TAS1R1: variants seen among roughly 807,000 people sequenced by gnomAD.
TAS1R1 encodes taste 1 receptor member 1, also known as taste receptor type 1 member 1.
TAS1R1 carries 31 observed loss-of-function variants against 45.8 expected under a neutral mutation model. The ratio of observed to expected loss-of-function variants is 0.68; its 90% CI spans 0.51 to 0.91. The LOEUF (loss-of-function observed/expected upper bound fraction) is 0.91, where lower values mean the gene tolerates loss of function less well. Ranked by LOEUF, TAS1R1 falls within the 40% of genes least tolerant of loss-of-function variation. The probability of loss-of-function intolerance (pLI) is 0.00; values close to 1 mark genes in which losing one functional copy is unlikely to be tolerated. For synonymous variants in TAS1R1, 437 were observed against 448.4 expected (o/e 0.97, Z 0.32); for missense variants, 1,051 against 1,063.9 (o/e 0.99, Z 0.17).
chr1:6,555,552 C>T lies in TAS1R1; in HGVS notation c.179C>T (p.Thr60Ile). Reference protein sequence around the residue: ...CLQVRHRPEVTLCDRSCSFNE... With the variant: ...CLQVRHRPEVILCDRSCSFNE... ...CAGGTGAGGCACAGACCCGAGGTGA[C>T]CCTGTGTGACAGGTGAGTGAGGGGC... Residue 60 changes from threonine to isoleucine, a missense_variant, in exon 1 of 6, where the codon ACC becomes ATC. By Grantham distance (89) the Thr-to-Ile change is moderately conservative (BLOSUM62 -1). Transcript: ENST00000333172. 6.5e-7 allele frequency: 1 copy of T among 1,548,718 alleles called. No homozygotes were observed. Among genetic ancestry groups the T allele is most frequent in the African/African-American group, 1.4e-5 (1 of 73,172 alleles).
At chr1:6,561,678 G>C (rs1570107289) in intron 1 of TAS1R1, among the ~76,000 whole-genome samples, 1 of 150,320 alleles carries the variant, frequency 6.7e-6, no homozygotes, top group East Asian at 2.0e-4. Flanking sequence ...TCGCGCCACC[G>C]CACTCCAGCT....
chr1:6,560,197 T>A (rs956110287), intron 1 of TAS1R1, among the ~76,000 whole-genome samples: 1 of 152,104 alleles, frequency 6.6e-6, no homozygotes, highest in Non-Finnish European at 1.5e-5. Context: ...CTTGGGAGGC[T>A]GAGGCAGGAG....
chr1:6,577,160 C>T, intron 5 of TAS1R1, 90 bp downstream of exon 5: 2 of 1,552,700 alleles, frequency 1.3e-6, no homozygotes, highest in Non-Finnish European at 1.7e-6. Flanking sequence ...ATGTGCCCTG[C>T]CCCAGAACCA....
intron 4 of TAS1R1, 62 bp downstream of exon 4, chr1:6,576,689 G>GA: frequency 6.3e-7 from 1 of 1,581,318 alleles, no homozygotes; most frequent in Non-Finnish European, 8.6e-7. Context: ...GCCTGGGGGT[G>GA]ATGCTGACAC....
chr1:6,571,026 T>A lies in TAS1R1; in HGVS notation c.309T>A (p.Tyr103Ter), dbSNP rs1408979094. The change falls in exon 2 of 6, where the codon TAT (tyrosine) becomes TAA (stop). Residue 103 changes from tyrosine (Y) to a stop codon, truncating the protein, a stop_gained. Coordinates refer to ENST00000333172, the MANE Select transcript of TAS1R1 (RefSeq NM_138697.4). LOFTEE classifies it high-confidence loss of function. The stretch of plus-strand genomic sequence containing the variant: ...ACATCACCCTGGGGTACCAGCTGTA[T>A]GATGTGTGTTCTGACTCTGCCAATG... ...LPNITLGYQL[Y>*]DVCSDSANVY... The A allele has an allele frequency of 1.9e-6, 3 of 1,614,166 alleles. No homozygotes were observed. Among genetic ancestry groups the A allele is most frequent in the Admixed American group, 3.3e-5 (2 of 60,014 alleles).
Position 6,576,579 on chromosome 1 carries a change from G to A in TAS1R1, c.1425G>A (p.Gln475=). 5 of 1,614,224 alleles carry A rather than the reference G, an allele frequency of 3.1e-6. No individual in the cohort carries two copies. Among genetic ancestry groups the A allele is most frequent in the Non-Finnish European group, 4.2e-6 (5 of 1,180,042 alleles). ...GTTCCTCCACATGGTCTCCAGTTCA[G>A]CTAAACATAAATGAGACCAAAATCC... ...VLGSSTWSPV[Q]LNINETKIQW... Residue 475 remains glutamine (Q), a synonymous_variant, in exon 4 of 6, where the codon CAG becomes CAA. Coordinates refer to ENST00000333172, the MANE Select transcript of TAS1R1 (RefSeq NM_138697.4).
chr1:6,560,937 T>C (rs1639774491), intron 1 of TAS1R1, among the ~76,000 whole-genome samples: 1 of 129,202 alleles, frequency 7.7e-6, no homozygotes, highest in Non-Finnish European at 1.5e-5. Flanking sequence ...TGAGCCGAGA[T>C]CATGCCACTG....
chr1:6,574,644 C>A lies in TAS1R1; in HGVS notation c.512C>A (p.Ala171Asp). 6.2e-7 allele frequency: 1 copy of A among 1,604,578 alleles called. No homozygotes were observed. The highest frequency in any genetic ancestry group is 1.1e-5 in the South Asian group (1 of 89,676). ...GACCTCCCATAGATTAGCTATGCGG[C>A]CAGCAGCGAGACGCTCAGCGTGAAG... ...PFLVPMISYA[A>D]SSETLSVKRQ... is the part of the protein sequence containing the mutation. The change falls in exon 3 of 6, where the codon GCC becomes GAC. Residue 171 changes from alanine (A) to aspartate (D), a missense_variant. Physicochemically the swap from Ala to Asp is moderately radical, Grantham distance 126 (BLOSUM62 -2). Coordinates refer to ENST00000333172, the MANE Select transcript of TAS1R1 (RefSeq NM_138697.4). The surrounding 1 kb of genome is among the most constrained non-coding windows in gnomAD (Gnocchi z 4.3).
rs1218384536 is a variant in TAS1R1 at position 6,578,857 on chromosome 1, C to G, written c.1799C>G (p.Ala600Gly). 2 of 1,609,318 alleles carry G rather than the reference C, an allele frequency of 1.2e-6. No individual in the cohort carries two copies. Among genetic ancestry groups the G allele is most frequent in the South Asian group, 2.2e-5 (2 of 90,730 alleles). The change falls in exon 6 of 6, where the codon GCA (alanine) becomes GGA (glycine). Residue 600 changes from alanine (A) to glycine (G), a missense_variant. By Grantham distance (60) the Ala-to-Gly change is moderately conservative. Transcript: ENST00000333172. ...WHLDTPVVRS[A>G]GGRLCFLMLG... Reference sequence around the variant, plus strand: ...CTAGACACCCCTGTGGTGAGGTCAGCAGGGGGCCGCCTGTGCTTTCTTATG... The same window carrying G: ...CTAGACACCCCTGTGGTGAGGTCAGGAGGGGGCCGCCTGTGCTTTCTTATG...
At chr1:6,570,728 C>T (rs1043116040) in intron 1 of TAS1R1, among the ~76,000 whole-genome samples, 181 bp from the exon 2 acceptor site, 1 of 152,192 alleles carries the variant, frequency 6.6e-6, no homozygotes, top group African/African-American at 2.4e-5. Context: ...ATAAGTTTCT[C>T]CATCAGGGCC....
At position 6,571,089 on chromosome 1, in the gene TAS1R1, A is replaced by C; in HGVS notation, c.372A>C (p.Gln124His). ...ATLRVLSLPG[Q>H]HHIELQGDLL... Reference sequence around the variant, plus strand: ...TGAGAGTGCTCTCCCTGCCAGGGCAACACCACATAGAGCTCCAAGGAGACC... The same window carrying C: ...TGAGAGTGCTCTCCCTGCCAGGGCACCACCACATAGAGCTCCAAGGAGACC... Residue 124 changes from glutamine (Q) to histidine (H), a missense_variant, in exon 2 of 6, where the codon CAA (glutamine) becomes CAC (histidine). Coordinates refer to ENST00000333172, the MANE Select transcript of TAS1R1 (RefSeq NM_138697.4). 1.9e-6 allele frequency: 3 copies of C among 1,614,118 alleles called. No homozygotes were observed. The highest frequency in any genetic ancestry group is 2.5e-6 in the Non-Finnish European group (3 of 1,179,998).
At chr1:6,569,378 C>T (rs1639950886) in intron 1 of TAS1R1, among the ~76,000 whole-genome samples, 2 of 152,164 alleles carry the variant, frequency 1.3e-5, no homozygotes, top group African/African-American at 2.4e-5. Flanking sequence ...TCTCGGACCA[C>T]TTCCCATTGC....
At chr1:6,559,234 T>G (rs1557801059) in intron 1 of TAS1R1, among the ~76,000 whole-genome samples, 1 of 151,330 alleles carries the variant, frequency 6.6e-6, no homozygotes, top group African/African-American at 2.4e-5. Context: ...TTCACTATGT[T>G]GGCCAGGCTG....
intron 2 of TAS1R1, among the ~76,000 whole-genome samples, chr1:6,572,231 C>T (rs1438797683): frequency 6.6e-6 from 1 of 151,408 alleles, no homozygotes; most frequent in African/African-American, 2.4e-5. Context: ...CCAAATCCTA[C>T]TTTGCAGTCC....
At chr1:6,570,649 C>G (rs1639986192) in intron 1 of TAS1R1, among the ~76,000 whole-genome samples, 1 of 152,184 alleles carries the variant, frequency 6.6e-6, no homozygotes, top group Non-Finnish European at 1.5e-5. Flanking sequence ...CTTTCTCTCT[C>G]TCTCTGGAAA....
chr1:6,571,041 C>T lies in TAS1R1; in HGVS notation c.324C>T (p.Asp108=), dbSNP rs1011286872. Residue 108 remains aspartate (D), a synonymous_variant, in exon 2 of 6, where the codon GAC becomes GAT. Transcript: ENST00000333172. ...ACCAGCTGTATGATGTGTGTTCTGA[C>T]TCTGCCAATGTGTATGCCACGCTGA... is the stretch of plus-strand genomic sequence containing the variant. The part of the protein sequence containing the change: ...LGYQLYDVCS[D]SANVYATLRV... 6.2e-7 allele frequency: 1 copy of T among 1,614,210 alleles called. No homozygotes were observed. Among genetic ancestry groups the T allele is most frequent in the Non-Finnish European group, 8.5e-7 (1 of 1,180,034 alleles).
chr1:6,573,215 T>G (rs1381287044), intron 2 of TAS1R1, among the ~76,000 whole-genome samples: 7 of 152,180 alleles, frequency 4.6e-5, no homozygotes, highest in African/African-American at 1.7e-4. Context: ...TCCCAGCACT[T>G]TGGGAGGCTA....
At position 6,576,530 on chromosome 1, in the gene TAS1R1, C is replaced by T; in HGVS notation, c.1376C>T (p.Pro459Leu). The T allele has an allele frequency of 1.2e-6, 2 of 1,614,232 alleles. No homozygotes were observed. Among genetic ancestry groups the T allele is most frequent in the South Asian group, 1.1e-5 (1 of 91,084 alleles). Residue 459 changes from proline to leucine, a missense_variant, in exon 4 of 6, where the codon CCC (proline) becomes CTC (leucine). Pro to Leu is a moderately conservative substitution (Grantham distance 98, BLOSUM62 -3). Transcript: ENST00000333172. ...YNIIAWDWNG[P>L]KWTFTVLGSS... Reference sequence around the variant, plus strand: ...ATAATTGCCTGGGACTGGAATGGACCCAAGTGGACCTTCACGGTCCTCGGT... The same window carrying T: ...ATAATTGCCTGGGACTGGAATGGACTCAAGTGGACCTTCACGGTCCTCGGT...
intron 5 of TAS1R1, among the ~76,000 whole-genome samples, chr1:6,577,858 C>G (rs1640225204): frequency 6.6e-6 from 1 of 152,094 alleles, no homozygotes; most frequent in African/African-American, 2.4e-5. Flanking sequence ...AAGAATTAGC[C>G]AACTGAAAGC....
Sources: gnomAD v4.1 joint callset for allele counts (sites outside exome capture counted in the v4.1 genomes callset) on GRCh38, gnomAD v4.1.1 for gene constraint, Gnocchi (gnomAD v3.1) non-coding constraint, MANE v1.5 for transcripts, NCBI Gene and HGNC (gene_info 2026-07-23, HGNC 2026-07-21) for gene names.